EYS: variants seen among roughly 807,000 people sequenced by gnomAD.
The protein encoded by EYS is protein eyes shut homolog.
Under a neutral mutation model 282.1 loss-of-function variants are expected in EYS, and 250 were observed. The observed-to-expected ratio is 0.89, with a 90% CI of 0.80 to 0.98. The LOEUF is 0.98. Among genes scored for constraint, EYS ranks in the 50% least tolerant of loss-of-function variants. The probability of loss-of-function intolerance (pLI) is 0.00; values close to 1 mark genes in which losing one functional copy is unlikely to be tolerated. For missense variants in EYS, 4,016 were observed against 3,709.0 expected (o/e 1.08, Z -2.15); for synonymous variants, 1,355 against 1,282.9 (o/e 1.06, Z -1.20).
chr6:64,347,105 G>A (rs889166844), intron 29 of EYS, among the ~76,000 whole-genome samples: 1 of 151,344 alleles, frequency 6.6e-6, no homozygotes, highest in Non-Finnish European at 1.5e-5. Flanking sequence ...AAACTCTACA[G>A]TATGAAGGCA....
chr6:64,446,991 G>T (rs1006068889), intron 26 of EYS, among the ~76,000 whole-genome samples: 4 of 149,774 alleles, frequency 2.7e-5, no homozygotes, highest in Non-Finnish European at 4.5e-5. Context: ...GTGTGTGGGG[G>T]GGGGGTGCTC....
chr6:64,516,738 T>A (rs1337881873), intron 26 of EYS, among the ~76,000 whole-genome samples: 1 of 151,820 alleles, frequency 6.6e-6, no homozygotes, highest in East Asian at 1.9e-4. Context: ...ATTAAAATGG[T>A]TTCATAGATG....
intron 5 of EYS, among the ~76,000 whole-genome samples, chr6:65,463,614 A>T (rs1764893993): frequency 6.6e-6 from 1 of 152,218 alleles, no homozygotes; most frequent in Non-Finnish European, 1.5e-5. Context: ...ATGTATGCAT[A>T]TAAAAATAAT....
chr6:64,298,990 C>T (rs1769134341), intron 30 of EYS, among the ~76,000 whole-genome samples: 1 of 152,020 alleles, frequency 6.6e-6, no homozygotes, highest in African/African-American at 2.4e-5. Context: ...GATATAACAA[C>T]ATATATAAAT....
chr6:65,622,294 A>C (rs1045981043), intron 2 of EYS, among the ~76,000 whole-genome samples: 4 of 152,188 alleles, frequency 2.6e-5, no homozygotes, highest in African/African-American at 9.7e-5. Flanking sequence ...CACTGAAAAC[A>C]GTTGCTCTGT....
chr6:64,549,767 C>T lies in EYS; in HGVS notation c.5644+40456G>A, dbSNP rs542411016. ...TTTTTTTTTTATACTTTAAGTTTTA[C>T]GGTACATGTGCAAAACGTGCAGGTT... On this transcript the variant is annotated intron_variant, in intron 26 of 42. Coordinates refer to ENST00000503581, the MANE Select transcript of EYS (RefSeq NM_001142800.2). 2.5e-4 allele frequency among the ~76,000 whole-genome samples: 36 copies of T among 144,444 alleles called. No homozygotes were observed. The South Asian group carries it at 6.8e-3, about 27-fold the overall frequency. 94.8% of individuals were successfully genotyped at this position (144,444 alleles called of 152,430 possible). A position where few individuals can be genotyped will look rare whatever the true frequency, so the allele number is the denominator to read the frequency against.
intron 26 of EYS, among the ~76,000 whole-genome samples, chr6:64,467,864 T>A (rs548096745): frequency 6.6e-6 from 1 of 152,080 alleles, no homozygotes; most frequent in Non-Finnish European, 1.5e-5. Context: ...CTGGCACCCA[T>A]CTGCATATGC....
intron 40 of EYS, among the ~76,000 whole-genome samples, chr6:63,775,365 T>C (rs764754984): frequency 2.0e-5 from 3 of 152,234 alleles, no homozygotes. Context: ...AACATTAAAC[T>C]GTTCATTGTT....
intron 26 of EYS, among the ~76,000 whole-genome samples, chr6:64,453,320 C>T (rs533051636): frequency 6.1e-4 from 93 of 152,248 alleles, no homozygotes; most frequent in African/African-American, 2.2e-3. Context: ...CCATCTCACA[C>T]CAGTTAGAAT....
chr6:64,852,344 A>G (rs558320161), intron 19 of EYS, among the ~76,000 whole-genome samples: 28 of 152,092 alleles, frequency 1.8e-4, no homozygotes, highest in Non-Finnish European at 4.0e-4. Context: ...GAAAAATGTA[A>G]AAAGGCTTGA....
At chr6:65,295,242 T>C (rs1157708355) in intron 12 of EYS, among the ~76,000 whole-genome samples, 2 of 151,962 alleles carry the variant, frequency 1.3e-5, no homozygotes, top group African/African-American at 4.8e-5. Flanking sequence ...TTGAAATTAC[T>C]ATAAATAATT....
intron 2 of EYS, among the ~76,000 whole-genome samples, chr6:65,511,062 A>G (rs942927366): frequency 1.3e-5 from 2 of 152,202 alleles, no homozygotes; most frequent in African/African-American, 2.4e-5. Context: ...TTGTTTTTAA[A>G]TTTAACCTAC....
intron 26 of EYS, among the ~76,000 whole-genome samples, chr6:64,585,490 C>A (rs1385607609): frequency 6.6e-6 from 1 of 152,070 alleles, no homozygotes; most frequent in Non-Finnish European, 1.5e-5. Context: ...TTATTCAGAT[C>A]ATTTAATGTT....
intron 28 of EYS, among the ~76,000 whole-genome samples, chr6:64,422,216 G>T (rs56163693): frequency 0.038 from 5,827 of 152,054 alleles, 363 homozygotes; most frequent in African/African-American, 0.13. Flanking sequence ...TTTAAAGGGT[G>T]CCCATTGAAG....
chr6:65,083,470 C>T (rs1774280536), intron 12 of EYS, among the ~76,000 whole-genome samples: 1 of 151,740 alleles, frequency 6.6e-6, no homozygotes, highest in Non-Finnish European at 1.5e-5. Flanking sequence ...TTATTGTTAG[C>T]AAAAGTCTAT....
At chr6:63,917,935 G>C (rs907866688) in intron 35 of EYS, among the ~76,000 whole-genome samples, 1 of 152,168 alleles carries the variant, frequency 6.6e-6, no homozygotes, top group Non-Finnish European at 1.5e-5. Context: ...GTACTATTCA[G>C]ATAAGAGTCA....
At chr6:65,069,110 AT>A (rs2150164529) in intron 12 of EYS, among the ~76,000 whole-genome samples, 1 of 152,084 alleles carries the variant, frequency 6.6e-6, no homozygotes, top group African/African-American at 2.4e-5. Flanking sequence ...TAAATGTGAT[AT>A]TACTCCTACA....
intron 7 of EYS, among the ~76,000 whole-genome samples, chr6:65,397,112 T>C (rs946445782): frequency 1.3e-5 from 2 of 151,984 alleles, no homozygotes; most frequent in African/African-American, 4.8e-5. Flanking sequence ...AACCTTCTCA[T>C]GTTCCTATCT....
chr6:64,074,915 T>C (rs1046864168), intron 32 of EYS, among the ~76,000 whole-genome samples: 6 of 151,972 alleles, frequency 3.9e-5, no homozygotes, highest in African/African-American at 1.4e-4. Context: ...GAAAGATGAA[T>C]AGATGTACCC....
Sources: gnomAD v4.1 joint callset for allele counts (sites outside exome capture counted in the v4.1 genomes callset) on GRCh38, gnomAD v4.1.1 for gene constraint, MANE v1.5 for transcripts, NCBI Gene and HGNC (gene_info 2026-07-23, HGNC 2026-07-21) for gene names.